Variants in MYO16 observed in about 807,000 individuals in gnomAD.
The protein encoded by MYO16 is unconventional myosin-XVI.
MYO16 carries 94 observed loss-of-function variants against 205.3 expected under a neutral mutation model. That is an observed-to-expected ratio of 0.46 (90% CI 0.39 to 0.54). MYO16 has a LOEUF of 0.54. MYO16 is among the 20% of genes least tolerant of loss of function. MYO16 has a pLI of 0.00. For missense variants in MYO16, 2,315 were observed against 2,387.5 expected (o/e 0.97, Z 0.63); for synonymous variants, 988 against 954.0 (o/e 1.04, Z -0.66).
intron 16 of MYO16, among the ~76,000 whole-genome samples, chr13:108,942,436 G>A (rs1882769473): frequency 1.3e-5 from 2 of 152,060 alleles, no homozygotes; most frequent in Non-Finnish European, 2.9e-5. Context: ...ATTACTAATT[G>A]GAATGCACAC....
intron 9 of MYO16, among the ~76,000 whole-genome samples, chr13:108,832,538 G>T (rs921366726): frequency 6.6e-6 from 1 of 151,994 alleles, no homozygotes; most frequent in African/African-American, 2.4e-5. Flanking sequence ...GTCCAGTCTG[G>T]TTTCTGCTTG....
In MYO16 at chr13:108,898,112, A is replaced by G. The variant is rs186356943; in HGVS notation, c.1756A>G (p.Arg586Gly). The stretch of plus-strand genomic sequence containing the variant: ...GTATTTTGAACTGCAGTTCTGTGAG[A>G]GGAAACAACAGCTAACCGGAGGTAA... ...IKYFELQFCERKQQLTGARIY... is the reference protein window; with the variant it reads ...IKYFELQFCEGKQQLTGARIY... The change falls in exon 15 of 35, where the codon AGG becomes GGG. Residue 586 changes from arginine (R) to glycine (G), a missense_variant. This residue lies in a region of MYO16 where 1,213 missense variants were observed against 1,274.4 expected (regional missense o/e 0.95). Coordinates refer to ENST00000457511, the MANE Select transcript of MYO16 (RefSeq NM_001198950.3). 2.2e-5 allele frequency: 36 copies of G among 1,611,844 alleles called. No individual in the cohort carries two copies. The highest frequency in any genetic ancestry group is 1.0e-4 in the Admixed American group (6 of 60,004).
chr13:108,561,685 T>C, the MYO16 span, among the ~76,000 whole-genome samples: 1 of 152,380 alleles, frequency 6.6e-6, no homozygotes, highest in African/African-American at 2.4e-5. Flanking sequence ...CACGCAGATA[T>C]CTACTTGTAG....
chr13:108,516,699 C>T, the MYO16 span, among the ~76,000 whole-genome samples: 24 of 152,072 alleles, frequency 1.6e-4, no homozygotes, highest in Non-Finnish European at 3.1e-4. Flanking sequence ...TTTTGCTTTT[C>T]TCTGTTGTTT....
chr13:108,572,822 G>C, the MYO16 span, among the ~76,000 whole-genome samples: 1 of 152,144 alleles, frequency 6.6e-6, no homozygotes, highest in East Asian at 1.9e-4. Flanking sequence ...CATGTTAATA[G>C]TGGTTTTGTT....
At chr13:108,576,427 A>G in the MYO16 span, among the ~76,000 whole-genome samples, 1 of 152,180 alleles carries the variant, frequency 6.6e-6, no homozygotes. Flanking sequence ...AGCTGGTAAT[A>G]TTGTCTTCTG....
chr13:108,915,796 T>G (rs758753712), intron 16 of MYO16, among the ~76,000 whole-genome samples: 4 of 152,304 alleles, frequency 2.6e-5, no homozygotes, highest in South Asian at 2.1e-4. Flanking sequence ...GGTCAAATTT[T>G]GAATGCTAAG....
chr13:108,539,628 G>A, the MYO16 span, among the ~76,000 whole-genome samples: 1 of 152,148 alleles, frequency 6.6e-6, no homozygotes, highest in South Asian at 2.1e-4. Context: ...TGAAAAATGG[G>A]TTGATTAATG....
chr13:109,159,138 A>G (rs1459961060), intron 32 of MYO16, among the ~76,000 whole-genome samples: 1 of 152,230 alleles, frequency 6.6e-6, no homozygotes, highest in Non-Finnish European at 1.5e-5. Flanking sequence ...AAACAACCAT[A>G]GGTCCTTTCT....
intron 23 of MYO16, among the ~76,000 whole-genome samples, chr13:109,035,217 G>GT (rs368977940): frequency 6.0e-4 from 90 of 149,570 alleles, no homozygotes; most frequent in African/African-American, 1.8e-3. Flanking sequence ...GTATTTGAAA[G>GT]TTTTTTTTTT....
At chr13:108,621,848 C>T (rs1187025327) in intron 1 of MYO16, among the ~76,000 whole-genome samples, 1 of 152,106 alleles carries the variant, frequency 6.6e-6, no homozygotes, top group Non-Finnish European at 1.5e-5. Context: ...ATTCACCTAA[C>T]TTTTATTATA....
chr13:109,017,826 G>A (rs867282761), intron 22 of MYO16, among the ~76,000 whole-genome samples: 1 of 152,040 alleles, frequency 6.6e-6, no homozygotes, highest in East Asian at 1.9e-4. Context: ...GGTCATTTAA[G>A]GTCTTCTCTA....
intron 23 of MYO16, among the ~76,000 whole-genome samples, chr13:109,033,835 G>A (rs1886623100): frequency 6.6e-6 from 1 of 152,136 alleles, no homozygotes; most frequent in African/African-American, 2.4e-5. Flanking sequence ...GGAAGAATTG[G>A]GCTATGAAAA....
chr13:108,803,275 T>C (rs772276611), intron 6 of MYO16, among the ~76,000 whole-genome samples: 5 of 152,172 alleles, frequency 3.3e-5, no homozygotes, highest in Non-Finnish European at 1.5e-5. Context: ...AGAACCAACA[T>C]TGAAAACAAT....
rs200373496 is a variant in MYO16 at position 109,127,562 on chromosome 13, G to A, written c.4051+12G>A. Reference sequence around the variant, plus strand: ...AGCGGCCAACGAAGGTCAGCCCTGGGGAGGGACCCAGCCTCGTGTTCCGGG... The same window carrying A: ...AGCGGCCAACGAAGGTCAGCCCTGGAGAGGGACCCAGCCTCGTGTTCCGGG... On this transcript the variant is annotated intron_variant, in intron 31 of 34. Coordinates refer to ENST00000457511, the MANE Select transcript of MYO16 (RefSeq NM_001198950.3). The surrounding 1 kb of genome is among the most constrained non-coding windows in gnomAD (Gnocchi z 4.2). 4,512 of 1,605,666 alleles carry A rather than the reference G, an allele frequency of 2.8e-3. 17 individuals carry two copies. The highest frequency in any genetic ancestry group is 2.9e-3 in the Non-Finnish European group (3,429 of 1,179,128).
At chr13:109,010,957 T>TTA (rs67321937) in intron 22 of MYO16, among the ~76,000 whole-genome samples, 2,248 of 118,534 alleles carry the variant, frequency 0.019, 200 homozygotes, top group South Asian at 0.056. Context: ...ACATATAATA[T>TTA]TATATATATA....
At chr13:108,797,013 A>G (rs992084498) in intron 6 of MYO16, among the ~76,000 whole-genome samples, 1 of 152,204 alleles carries the variant, frequency 6.6e-6, no homozygotes, top group Admixed American at 6.5e-5. Flanking sequence ...AGGCTTTTCC[A>G]GTAATCTAGG....
At chr13:109,121,179 A>G (rs563596827) in intron 29 of MYO16, among the ~76,000 whole-genome samples, 2 of 152,186 alleles carry the variant, frequency 1.3e-5, no homozygotes, top group Admixed American at 6.5e-5. Flanking sequence ...TCTGAACTTC[A>G]TTCTAAGTTA....
At chr13:108,645,767 C>T (rs1880725946) in intron 1 of MYO16, among the ~76,000 whole-genome samples, 2 of 152,176 alleles carry the variant, frequency 1.3e-5, no homozygotes. Flanking sequence ...GGTGGCATTA[C>T]CACCCAACAC....
Sources: allele counts gnomAD v4.1 joint callset (sites outside exome capture counted in the v4.1 genomes callset), GRCh38; gene constraint gnomAD v4.1.1; regional missense constraint gnomAD v4.1.1; non-coding constraint Gnocchi (gnomAD v3.1); transcripts MANE v1.5; gene names NCBI Gene and HGNC (gene_info 2026-07-23, HGNC 2026-07-21).